MC2R: variants seen among roughly 807,000 people sequenced by gnomAD.
MC2R encodes melanocortin 2 receptor, also known as adrenocorticotropic hormone receptor.
In MC2R, 9 loss-of-function variants were observed where a neutral mutation model predicts 9.8. The ratio of observed to expected loss-of-function variants is 0.92; its 90% CI spans 0.55 to 1.60. The LOEUF (loss-of-function observed/expected upper bound fraction) is 1.60, where lower values mean the gene tolerates loss of function less well. MC2R is among the 40% of genes most tolerant of loss of function. MC2R has a pLI of 0.00. For missense variants in MC2R, 370 were observed against 389.0 expected, an observed-to-expected ratio of 0.95 and a Z score of 0.41; for synonymous variants, 185 against 154.7, an observed-to-expected ratio of 1.20 and a Z score of -1.45.
rs2045270561 is a variant in MC2R, at chr18:13,885,482, T to C, written c.37A>G (p.Asn13Asp). ...HIINSYENIN[N>D]TARNNSDCPR... ...CAGTCGGAATTATTTCTTGCTGTGT[T>C]GTTGATGTTTTCATACGAGTTGATA... Residue 13 changes from asparagine to aspartate, a missense_variant, in exon 2 of 2, where the codon AAC becomes GAC. Coordinates refer to ENST00000327606, the MANE Select transcript of MC2R (RefSeq NM_000529.2). The C allele has an allele frequency of 6.2e-7, 1 of 1,614,080 alleles. No homozygotes were observed. The highest frequency in any genetic ancestry group is 1.3e-5 in the African/African-American group (1 of 74,922).
At chr18:13,911,832 C>T (rs995096701) in intron 1 of MC2R, among the ~76,000 whole-genome samples, 3 of 152,170 alleles carry the variant, frequency 2.0e-5, no homozygotes, top group Non-Finnish European at 1.5e-5. Flanking sequence ...TTTTTAGCAC[C>T]TCTAGGATCC....
At chr18:13,896,234 T>A (rs2045345602) in intron 1 of MC2R, among the ~76,000 whole-genome samples, 2 of 152,184 alleles carry the variant, frequency 1.3e-5, no homozygotes, top group Admixed American at 1.3e-4. Flanking sequence ...TTTACTAATG[T>A]CAGATTTCTG....
At chr18:13,904,303 C>A (rs538447066) in intron 1 of MC2R, among the ~76,000 whole-genome samples, 12 of 150,254 alleles carry the variant, frequency 8.0e-5, no homozygotes, top group African/African-American at 2.7e-4. Flanking sequence ...ATGGCGTGAA[C>A]CCGGGAGGCA....
At chr18:13,896,776 A>C (rs1567899350) in intron 1 of MC2R, among the ~76,000 whole-genome samples, 1 of 152,248 alleles carries the variant, frequency 6.6e-6, no homozygotes, top group East Asian at 1.9e-4. Flanking sequence ...TGATGTTTAC[A>C]AAGATGCATA....
At chr18:13,913,255 C>T (rs1245957165) in intron 1 of MC2R, among the ~76,000 whole-genome samples, 1 of 152,134 alleles carries the variant, frequency 6.6e-6, no homozygotes, top group Non-Finnish European at 1.5e-5. Flanking sequence ...CCACCTTCCA[C>T]CCGCTCACAT....
chr18:13,884,754 C>T lies in MC2R; in HGVS notation c.765G>A (p.Met255Ile), dbSNP rs181640454. The T allele has an allele frequency of 9.8e-4, 1,589 of 1,614,018 alleles. 2 individuals carry two copies. Among genetic ancestry groups the T allele is most frequent in the Non-Finnish European group, 1.2e-3 (1,421 of 1,180,004 alleles). ...CPSNPYCACY[M>I]SLFQVNGMLI... ...ACATGCCGTTCACCTGGAAGAGAGA[C>T]ATGTAGCAGGCGCAGTAGGGGTTAC... Residue 255 changes from methionine to isoleucine, a missense_variant, in exon 2 of 2, where the codon ATG (methionine) becomes ATA (isoleucine). Transcript: ENST00000327606.
chr18:13,914,089 T>C (rs2045462415), intron 1 of MC2R, among the ~76,000 whole-genome samples: 1 of 151,664 alleles, frequency 6.6e-6, no homozygotes, highest in South Asian at 2.1e-4. Flanking sequence ...ATGTCTTAAG[T>C]TGCTCTGAGG....
chr18:13,910,381 A>G (rs2045437678), intron 1 of MC2R, among the ~76,000 whole-genome samples: 2 of 152,032 alleles, frequency 1.3e-5, no homozygotes, highest in Non-Finnish European at 2.9e-5. Context: ...CAGTCCTCTG[A>G]CTTTGTTGTT....
At chr18:13,887,977 G>C (rs1283948604) in intron 1 of MC2R, among the ~76,000 whole-genome samples, 2 of 152,056 alleles carry the variant, frequency 1.3e-5, no homozygotes, top group African/African-American at 4.8e-5. Flanking sequence ...TTAATACAGG[G>C]GCCAACACCT....
At chr18:13,908,357 G>T (rs948667929) in intron 1 of MC2R, among the ~76,000 whole-genome samples, 1 of 151,868 alleles carries the variant, frequency 6.6e-6, no homozygotes, top group African/African-American at 2.4e-5. Context: ...GTGGTTACAA[G>T]AGCCCAGGAA....
In MC2R at chr18:13,885,293, A is replaced by G; in HGVS notation, c.226T>C (p.Tyr76His). 2 of 1,614,222 alleles carry G rather than the reference A, an allele frequency of 1.2e-6. No individual in the cohort carries two copies. The highest frequency in any genetic ancestry group is 1.6e-4 in the Middle Eastern group (1 of 6,062). The change falls in exon 2 of 2, where the codon TAT (tyrosine) becomes CAT (histidine). Residue 76 changes from tyrosine to histidine, a missense_variant. By Grantham distance (83) the Tyr-to-His change is moderately conservative. Coordinates refer to ENST00000327606, the MANE Select transcript of MC2R (RefSeq NM_000529.2). ...ATCAGGATATTTTCCAAGATCTTAT[A>G]TAGGCTGCCCAGCATATCAGATATG... ...LAISDMLGSL[Y>H]KILENILIIL...
intron 1 of MC2R, among the ~76,000 whole-genome samples, chr18:13,901,874 T>G (rs1458199550): frequency 6.6e-6 from 1 of 152,092 alleles, no homozygotes; most frequent in African/African-American, 2.4e-5. Flanking sequence ...ACTTCCAAAC[T>G]CATTCTACAA....
chr18:13,889,525 G>A (rs1318769681), intron 1 of MC2R, among the ~76,000 whole-genome samples: 1 of 152,018 alleles, frequency 6.6e-6, no homozygotes, highest in Admixed American at 6.6e-5. Flanking sequence ...TGGCTGGGAG[G>A]GGCGCACAAA....
At chr18:13,897,879 G>A (rs191224353) in intron 1 of MC2R, among the ~76,000 whole-genome samples, 11 of 152,058 alleles carry the variant, frequency 7.2e-5, no homozygotes, top group African/African-American at 2.7e-4. Flanking sequence ...CAATACCCAG[G>A]TACTACGCTG....
intron 1 of MC2R, among the ~76,000 whole-genome samples, chr18:13,891,334 T>C (rs1184212592): frequency 6.6e-6 from 1 of 152,254 alleles, no homozygotes; most frequent in African/African-American, 2.4e-5. Context: ...TATTCTGTAT[T>C]GATAGTTATT....
At chr18:13,910,902 C>T (rs1044246780) in intron 1 of MC2R, among the ~76,000 whole-genome samples, 2 of 152,220 alleles carry the variant, frequency 1.3e-5, no homozygotes, top group African/African-American at 4.8e-5. Flanking sequence ...CCTACAAAAC[C>T]AACACCAGTC....
intron 1 of MC2R, among the ~76,000 whole-genome samples, chr18:13,887,179 GGAA>G (rs1452812136): frequency 1.3e-4 from 18 of 135,958 alleles, no homozygotes; most frequent in African/African-American, 4.4e-4. Context: ...GGATGGGAGG[GGAA>G]GCCTGTGTGC....
intron 1 of MC2R, among the ~76,000 whole-genome samples, chr18:13,888,166 G>A (rs1199004825): frequency 6.6e-6 from 1 of 152,082 alleles, no homozygotes; most frequent in African/African-American, 2.4e-5. Flanking sequence ...GAAACAGGTG[G>A]TTTGGGAGCC....
At chr18:13,898,795 C>CA (rs1416916833) in intron 1 of MC2R, among the ~76,000 whole-genome samples, 1 of 152,200 alleles carries the variant, frequency 6.6e-6, no homozygotes, top group Non-Finnish European at 1.5e-5. Flanking sequence ...TATGAGTCTG[C>CA]AAGAACCACA....
Sources: gnomAD v4.1 joint callset for allele counts (sites outside exome capture counted in the v4.1 genomes callset) on GRCh38, gnomAD v4.1.1 for gene constraint, MANE v1.5 for transcripts, NCBI Gene and HGNC (gene_info 2026-07-23, HGNC 2026-07-21) for gene names.